The following FRMD3 variants were observed in gnomAD, a reference collection of about 807,000 sequenced individuals.
The protein encoded by FRMD3 is FERM domain-containing protein 3.
In FRMD3, 33 loss-of-function variants were observed where a neutral mutation model predicts 70.2. That is an observed-to-expected ratio of 0.47 (90% CI 0.36 to 0.63). The LOEUF (loss-of-function observed/expected upper bound fraction) is 0.63, where lower values mean the gene tolerates loss of function less well. Ranked by LOEUF, FRMD3 falls within the 20% of genes least tolerant of loss-of-function variation. The probability of loss-of-function intolerance (pLI) is 0.00; values close to 1 mark genes in which losing one functional copy is unlikely to be tolerated. For synonymous variants in FRMD3, 279 were observed against 255.9 expected, an observed-to-expected ratio of 1.09 and a Z score of -0.86; for missense variants, 632 against 711.4, an observed-to-expected ratio of 0.89 and a Z score of 1.27.
At chr9:83,446,364 T>C (rs1242810178) in intron 1 of FRMD3, among the ~76,000 whole-genome samples, 4 of 152,100 alleles carry the variant, frequency 2.6e-5, no homozygotes, top group Non-Finnish European at 5.9e-5. Context: ...AAAACCTCTG[T>C]TGGCCGGGCG....
chr9:83,558,467 AG>A, the FRMD3 span, among the ~76,000 whole-genome samples: 1 of 152,236 alleles, frequency 6.6e-6, no homozygotes, highest in Admixed American at 6.5e-5. Context: ...GAAGAAAAAA[AG>A]CTTTGACTTT....
At chr9:83,394,841 T>C (rs1825769022) in intron 1 of FRMD3, among the ~76,000 whole-genome samples, 1 of 152,168 alleles carries the variant, frequency 6.6e-6, no homozygotes, top group Non-Finnish European at 1.5e-5. Flanking sequence ...TGCCACTGTG[T>C]TCTAATCTTG....
chr9:83,346,255 CAAAAAAAAAAA>C (rs56163115), intron 4 of FRMD3, among the ~76,000 whole-genome samples: 6 of 62,146 alleles, frequency 9.7e-5, no homozygotes, highest in South Asian at 6.6e-4. Flanking sequence ...GACGCCATCT[CAAAAAAAAAAA>C]AAAAAAAAAA....
intron 6 of FRMD3, among the ~76,000 whole-genome samples, chr9:83,330,338 C>A (rs10867994): frequency 0.18 from 26,145 of 145,970 alleles, 2,412 homozygotes; most frequent in Middle Eastern, 0.23. Flanking sequence ...AAAAAAAAAA[C>A]AAAAAAAACA....
At chr9:83,363,111 G>A (rs1824662048) in intron 3 of FRMD3, among the ~76,000 whole-genome samples, 1 of 151,856 alleles carries the variant, frequency 6.6e-6, no homozygotes. Context: ...ATATTCTCAT[G>A]GTAAAAGATA....
chr9:83,316,151 TTTTTTTTTTC>T (rs2131070573), intron 6 of FRMD3, among the ~76,000 whole-genome samples: 1 of 141,538 alleles, frequency 7.1e-6, no homozygotes, highest in African/African-American at 2.8e-5. Context: ...TTTTTCTCTT[TTTTTTTTTTC>T]TTTTTTTTTT....
chr9:83,303,869 A>C (rs768988157), intron 10 of FRMD3, among the ~76,000 whole-genome samples: 52 of 152,208 alleles, frequency 3.4e-4, no homozygotes, highest in Non-Finnish European at 5.9e-4. Context: ...CTGTCACTGC[A>C]ATGGGTATTG....
Position 83,533,316 on chromosome 9 carries a change from GGATA to G in FRMD3, c.147+4765_147+4768del, listed in dbSNP as rs1243974294. ...ATAACATCCATAAAATGGAGATAAT[GGATA>G]GTTATAAAATTCATATGAGATAATA... On this transcript the variant is annotated intron_variant, in intron 1 of 13. Transcript: ENST00000304195. 2.6e-5 allele frequency among the ~76,000 whole-genome samples: 4 copies of G among 152,094 alleles called. No homozygotes were observed. In the East Asian group the frequency reaches 5.8e-4, roughly 22 times the overall value.
At chr9:83,557,521 T>C in the FRMD3 span, among the ~76,000 whole-genome samples, 2 of 152,168 alleles carry the variant, frequency 1.3e-5, no homozygotes, top group Admixed American at 6.5e-5. Context: ...CCCCATCAGA[T>C]AACAGGATTA....
At chr9:83,277,506 AGG>A (rs1469338465) in intron 13 of FRMD3, among the ~76,000 whole-genome samples, 6 of 152,174 alleles carry the variant, frequency 3.9e-5, no homozygotes, top group African/African-American at 1.4e-4. Flanking sequence ...CTGGGCCTAC[AGG>A]CACATGCCAT....
At chr9:83,243,998 C>A (rs1036086015), downstream of FRMD3, among the ~76,000 whole-genome samples, 4 of 152,024 alleles carry the variant, frequency 2.6e-5, no homozygotes, top group African/African-American at 9.7e-5. Flanking sequence ...TGTGGTGGTG[C>A]ATGCCTGTAA....
At chr9:83,401,512 G>T (rs534883151) in intron 1 of FRMD3, among the ~76,000 whole-genome samples, 7 of 152,178 alleles carry the variant, frequency 4.6e-5, no homozygotes, top group Non-Finnish European at 1.0e-4. Flanking sequence ...TATCAGTCAG[G>T]ATAGGCTAGA....
At chr9:83,405,776 A>T (rs1826084210) in intron 1 of FRMD3, among the ~76,000 whole-genome samples, 1 of 151,796 alleles carries the variant, frequency 6.6e-6, no homozygotes. Flanking sequence ...AAAAAAAAGA[A>T]AGAAAGTGTC....
intron 1 of FRMD3, among the ~76,000 whole-genome samples, chr9:83,439,066 T>A (rs752070779): frequency 6.6e-6 from 1 of 152,224 alleles, no homozygotes; most frequent in South Asian, 2.1e-4. Context: ...CACCTGGACA[T>A]GCCTATTCTG....
chr9:83,462,584 C>T (rs920083261), intron 1 of FRMD3, among the ~76,000 whole-genome samples: 1 of 152,126 alleles, frequency 6.6e-6, no homozygotes, highest in African/African-American at 2.4e-5. Flanking sequence ...CCATGGTAAC[C>T]GCTTTCCAGG....
At chr9:83,527,390 A>G (rs1254161509) in intron 1 of FRMD3, among the ~76,000 whole-genome samples, 1 of 152,202 alleles carries the variant, frequency 6.6e-6, no homozygotes, top group Admixed American at 6.5e-5. Flanking sequence ...TGATAGACAC[A>G]CCAGGATGGA....
intron 1 of FRMD3, among the ~76,000 whole-genome samples, chr9:83,516,308 C>T (rs1262358644): frequency 6.6e-6 from 1 of 150,910 alleles, no homozygotes; most frequent in Non-Finnish European, 1.5e-5. Context: ...AAAAAAAAAG[C>T]AGGGGTTGCA....
At chr9:83,571,932 A>G in the FRMD3 span, among the ~76,000 whole-genome samples, 1 of 152,238 alleles carries the variant, frequency 6.6e-6, no homozygotes, top group Non-Finnish European at 1.5e-5. Flanking sequence ...AATCACCTGC[A>G]GGCTTGTTAA....
chr9:83,311,692 A>G (rs1237889538), intron 8 of FRMD3, among the ~76,000 whole-genome samples, 195 bp downstream of exon 8: 1 of 152,102 alleles, frequency 6.6e-6, no homozygotes, highest in Non-Finnish European at 1.5e-5. Flanking sequence ...ACGCCTCCTA[A>G]GTTGACTCCT....
Sources: allele counts gnomAD v4.1 joint callset (sites outside exome capture counted in the v4.1 genomes callset), GRCh38; gene constraint gnomAD v4.1.1; transcripts MANE v1.5; gene names NCBI Gene and HGNC (gene_info 2026-07-23, HGNC 2026-07-21).